VPS13D: variants seen among roughly 807,000 people sequenced by gnomAD.
VPS13D encodes the protein vacuolar protein sorting 13 homolog D, also known as intermembrane lipid transfer protein VPS13D.
Under a neutral mutation model 461.9 loss-of-function variants are expected in VPS13D, and 187 were observed. That is an observed-to-expected ratio of 0.40 (90% CI 0.36 to 0.46). The LOEUF (loss-of-function observed/expected upper bound fraction) is 0.46, where lower values mean the gene tolerates loss of function less well. Among genes scored for constraint, VPS13D ranks in the 20% least tolerant of loss-of-function variants. The probability of loss-of-function intolerance (pLI) is 0.60; values close to 1 mark genes in which losing one functional copy is unlikely to be tolerated. For synonymous variants in VPS13D, 1,951 were observed against 1,986.3 expected (o/e 0.98, Z 0.47); for missense variants, 4,711 against 5,364.9 (o/e 0.88, Z 3.81).
chr1:12,430,094 T>C (rs1035534676), intron 65 of VPS13D, among the ~76,000 whole-genome samples: 2 of 152,210 alleles, frequency 1.3e-5, no homozygotes, highest in African/African-American at 4.8e-5. Context: ...GCCATTGTAA[T>C]GTTCAAAGCA....
In VPS13D at chr1:12,511,763, GT is replaced by G. The variant is rs1051121183; in HGVS notation, c.*2740del. On this transcript the variant is annotated 3_prime_UTR_variant, in exon 70 of 70. Coordinates refer to ENST00000620676, the MANE Select transcript of VPS13D (RefSeq NM_015378.4). The surrounding 1 kb of genome is among the most constrained non-coding windows in gnomAD (Gnocchi z 4.5). ...AGCCCCTGGGCCTGGTCACTACACA[GT>G]GGAAAACAGACAAGCGGCCCCTTCC... The G allele has an allele frequency of 6.6e-6, 1 of 152,248 alleles. No individual in the cohort carries two copies. Among genetic ancestry groups the G allele is most frequent in the African/African-American group, 2.4e-5 (1 of 41,472 alleles). The allele number at this position is 152,248 out of a possible 1,614,324, so 9.4% of individuals were successfully genotyped here. A position where few individuals can be genotyped will look rare whatever the true frequency, so the allele number is the denominator to read the frequency against.
intron 20 of VPS13D, among the ~76,000 whole-genome samples, chr1:12,282,124 A>G (rs971633074): frequency 6.6e-6 from 1 of 152,182 alleles, no homozygotes. Context: ...CTGGGCTCAC[A>G]CAGTCTGCCT....
intron 10 of VPS13D, among the ~76,000 whole-genome samples, chr1:12,258,739 G>A (rs1641001575): frequency 6.6e-6 from 1 of 152,218 alleles, no homozygotes; most frequent in Non-Finnish European, 1.5e-5. Context: ...AATTTTTGCA[G>A]TAGCAGCTTA....
At chr1:12,482,760 A>G (rs1369282802) in intron 67 of VPS13D, among the ~76,000 whole-genome samples, 4 of 143,182 alleles carry the variant, frequency 2.8e-5, no homozygotes, top group Non-Finnish European at 6.0e-5. Flanking sequence ...ATATGTATAC[A>G]TAGTATACAT....
At chr1:12,255,125 TA>T (rs1388509847) in intron 7 of VPS13D, among the ~76,000 whole-genome samples, 1 of 152,034 alleles carries the variant, frequency 6.6e-6, no homozygotes, top group Admixed American at 6.5e-5. Context: ...TTTGTATTTT[TA>T]GTAGAGACGA....
intron 20 of VPS13D, among the ~76,000 whole-genome samples, chr1:12,280,863 A>C (rs1023382201): frequency 1.3e-5 from 2 of 152,096 alleles, no homozygotes; most frequent in Admixed American, 1.3e-4. Flanking sequence ...GTTATTGTAG[A>C]TAATTCTTTC....
intron 49 of VPS13D, among the ~76,000 whole-genome samples, chr1:12,357,036 A>G (rs1643891642): frequency 6.6e-6 from 1 of 152,226 alleles, no homozygotes; most frequent in Admixed American, 6.5e-5. Flanking sequence ...AAGCAGGGAC[A>G]AAAAACAACT....
chr1:12,232,922 AT>A (rs963770775), intron 1 of VPS13D, among the ~76,000 whole-genome samples: 2 of 151,932 alleles, frequency 1.3e-5, no homozygotes, highest in African/African-American at 4.8e-5. Context: ...GAGACATTTA[AT>A]TTGGGCGGCC....
chr1:12,262,119 C>G, intron 13 of VPS13D, 39 bp downstream of exon 13: 1 of 1,573,066 alleles, frequency 6.4e-7, no homozygotes, highest in Non-Finnish European at 8.7e-7. Flanking sequence ...ACTGTTGTCT[C>G]TCTGTGGGCC....
chr1:12,407,574 T>A (rs1379183102), intron 63 of VPS13D, among the ~76,000 whole-genome samples: 1 of 152,210 alleles, frequency 6.6e-6, no homozygotes. Flanking sequence ...AAGCCCTGTT[T>A]GGCTCGTTCC....
chr1:12,405,971 A>C (rs942875847), intron 63 of VPS13D, among the ~76,000 whole-genome samples: 3 of 152,206 alleles, frequency 2.0e-5, no homozygotes, highest in African/African-American at 7.2e-5. Flanking sequence ...CCCCCCAGTT[A>C]CATGATGGTT....
rs74053860 is a variant in VPS13D, at chr1:12,305,579, C to T, written c.6439+851C>T. 1.9e-3 allele frequency among the ~76,000 whole-genome samples: 287 copies of T among 152,256 alleles called. 2 individuals are homozygous for T. The highest frequency in any genetic ancestry group is 6.2e-3 in the African/African-American group (259 of 41,550). On this transcript the variant is annotated intron_variant, in intron 26 of 69. Transcript: ENST00000620676. ...TGCTGGGGTTACAGGCATGAGCCCCCGGGCCTGGCCTCTTTTCTGTTGTTA... is the reference window on the plus strand; with the variant it reads ...TGCTGGGGTTACAGGCATGAGCCCCTGGGCCTGGCCTCTTTTCTGTTGTTA...
intron 30 of VPS13D, among the ~76,000 whole-genome samples, chr1:12,315,708 T>C (rs941725771): frequency 4.6e-5 from 7 of 152,216 alleles, no homozygotes; most frequent in African/African-American, 9.7e-5. Context: ...TGTCTCGTCA[T>C]TGGGCTGATT....
At chr1:12,364,058 A>G (rs1187253113) in intron 52 of VPS13D, among the ~76,000 whole-genome samples, 1 of 151,156 alleles carries the variant, frequency 6.6e-6, no homozygotes, top group Non-Finnish European at 1.5e-5. Flanking sequence ...ATTTAAAAAT[A>G]TTTTAAATTG....
At chr1:12,444,778 A>G (rs1645172969) in intron 65 of VPS13D, among the ~76,000 whole-genome samples, 2 of 152,084 alleles carry the variant, frequency 1.3e-5, no homozygotes, top group Admixed American at 1.3e-4. Flanking sequence ...GTCTTCAGTC[A>G]TTTAGTCCTG....
intron 63 of VPS13D, among the ~76,000 whole-genome samples, chr1:12,412,019 G>A (rs1644736772): frequency 6.6e-6 from 1 of 152,144 alleles, no homozygotes. Context: ...TCAGGTGGAG[G>A]GAACATAGAC....
chr1:12,500,889 C>T (rs1215800946), intron 68 of VPS13D, among the ~76,000 whole-genome samples: 1 of 151,120 alleles, frequency 6.6e-6, no homozygotes, highest in Non-Finnish European at 1.5e-5. Context: ...ATGGCAAAAC[C>T]CCATCCATAC....
chr1:12,309,330 C>T (rs1357570720), intron 27 of VPS13D, among the ~76,000 whole-genome samples: 1 of 151,332 alleles, frequency 6.6e-6, no homozygotes, highest in Non-Finnish European at 1.5e-5. Context: ...CCTTCCTCAG[C>T]CTCCCAAGTA....
rs147019021 is a variant in VPS13D at position 12,323,773 on chromosome 1, G to A, written c.7983G>A (p.Ala2661=). ...ATGATTGTCGCAAAGCTCTTTTGGC[G>A]TGTCAAGGTAATTTGAACAGGGTTC... is the stretch of plus-strand genomic sequence containing the variant. ...SMDDCRKALL[A]CQGQLKKAAS... The change falls in exon 35 of 70, where the codon GCG becomes GCA. Residue 2661 remains alanine (A), a synonymous_variant. Coordinates refer to ENST00000620676, the MANE Select transcript of VPS13D (RefSeq NM_015378.4). 69 of 1,613,928 alleles carry A rather than the reference G, an allele frequency of 4.3e-5. No homozygotes were observed. The highest frequency in any genetic ancestry group is 6.7e-5 in the African/African-American group (5 of 74,912).
Sources: gnomAD v4.1 joint callset for allele counts (sites outside exome capture counted in the v4.1 genomes callset) on GRCh38, gnomAD v4.1.1 for gene constraint, Gnocchi (gnomAD v3.1) non-coding constraint, MANE v1.5 for transcripts, NCBI Gene and HGNC (gene_info 2026-07-23, HGNC 2026-07-21) for gene names.